Variants in TSPEAR observed in about 807,000 individuals in gnomAD.
TSPEAR encodes the protein thrombospondin type laminin G domain and EAR repeats.
A neutral mutation model predicts 71.6 loss-of-function variants in TSPEAR; 69 were observed. The observed-to-expected ratio is 0.96, with a 90% CI of 0.79 to 1.18. The LOEUF (loss-of-function observed/expected upper bound fraction) is 1.18, where lower values mean the gene tolerates loss of function less well. TSPEAR is among the 50% of genes most tolerant of loss of function. TSPEAR has a pLI of 0.00. For synonymous variants in TSPEAR, 402 were observed against 387.2 expected, an observed-to-expected ratio of 1.04 and a Z score of -0.45; for missense variants, 971 against 894.9, an observed-to-expected ratio of 1.09 and a Z score of -1.09.
chr21:44,625,070 G>A (rs977179397), intron 1 of TSPEAR, among the ~76,000 whole-genome samples: 2 of 152,136 alleles, frequency 1.3e-5, no homozygotes, highest in Admixed American at 6.5e-5. Flanking sequence ...TAATGGAATC[G>A]TTTTCAGAGG....
At position 44,506,415 on chromosome 21, in the gene TSPEAR, T is replaced by C. The variant is rs1167729082; in HGVS notation, c.1755-1534A>G. ...TCAGCAGCCTCAGGGCTGTGGCCAG[T>C]TCAGGCAGCAGAGGGGCCTCATCCC... On this transcript the variant is annotated intron_variant, in intron 10 of 11. Coordinates refer to ENST00000323084, the MANE Select transcript of TSPEAR (RefSeq NM_144991.3). This position sits in a 1 kb window ranked among gnomAD's most constrained non-coding sequence, Gnocchi z 4.2. 6.6e-6 allele frequency among the ~76,000 whole-genome samples: 1 copy of C among 152,208 alleles called. No homozygotes were observed. Among genetic ancestry groups the C allele is most frequent in the Non-Finnish European group, 1.5e-5 (1 of 68,022 alleles).
Position 44,508,684 on chromosome 21 carries a change from A to G in TSPEAR, c.1754+515T>C, listed in dbSNP as rs587693863. The G allele has an allele frequency of 1.1e-5, 13 of 1,214,210 alleles. No homozygotes were observed. In the African/African-American group the frequency reaches 2.0e-4, roughly 19 times the overall value. The allele number at this position is 1,214,210 out of a possible 1,614,324, so 75.2% of individuals were successfully genotyped here. ...AACCATCACTTTCTCGTACATACAG[A>G]CCCACCCTCCATGTTCCCTGGATCT... On this transcript the variant is annotated intron_variant, in intron 10 of 11. Coordinates refer to ENST00000323084, the MANE Select transcript of TSPEAR (RefSeq NM_144991.3).
chr21:44,697,676 C>G, intron 1 of TSPEAR: 2 of 1,613,206 alleles, frequency 1.2e-6, no homozygotes, highest in South Asian at 2.2e-5. Flanking sequence ...CTGCTGCAAG[C>G]CCATCTGCTG....
At chr21:44,681,652 G>A (rs1986595476) in intron 1 of TSPEAR, 3 of 790,642 alleles carry the variant, frequency 3.8e-6, no homozygotes, top group East Asian at 2.7e-5. Context: ...TCCCTGGGGG[G>A]ATAGGCAAGT....
At chr21:44,501,645 G>A (rs1472856909) in intron 11 of TSPEAR, among the ~76,000 whole-genome samples, 3 of 152,112 alleles carry the variant, frequency 2.0e-5, no homozygotes, top group African/African-American at 7.2e-5. Context: ...CATGCCTGTG[G>A]TCCCAGCGAC....
chr21:44,517,792 C>T (rs587747677), intron 9 of TSPEAR: 119 of 471,224 alleles, frequency 2.5e-4, no homozygotes, highest in South Asian at 1.5e-3. Context: ...CCAGGGCTGC[C>T]GATGGGAAAT....
intron 2 of TSPEAR, chr21:44,551,316 G>A: frequency 1.2e-6 from 2 of 1,613,330 alleles, no homozygotes; most frequent in African/African-American, 2.7e-5. Flanking sequence ...GCTCACTGGG[G>A]TGCAGACCAG....
At chr21:44,577,655 G>A (rs897310203) in intron 1 of TSPEAR, among the ~76,000 whole-genome samples, 31 of 152,164 alleles carry the variant, frequency 2.0e-4, no homozygotes, top group African/African-American at 6.8e-4. Context: ...CCTCCAACAC[G>A]GGATCATGGT....
At chr21:44,531,386 G>A (rs782185788) in intron 3 of TSPEAR, among the ~76,000 whole-genome samples, 18 of 152,200 alleles carry the variant, frequency 1.2e-4, no homozygotes, top group African/African-American at 3.6e-4. Flanking sequence ...GTGGCTGCAC[G>A]TGCTCCCCGT....
chr21:44,576,945 A>G (rs1371029511), intron 1 of TSPEAR, among the ~76,000 whole-genome samples: 1 of 152,240 alleles, frequency 6.6e-6, no homozygotes, highest in African/African-American at 2.4e-5. Context: ...AGGGCTGAGC[A>G]TGCTGCTTGG....
In TSPEAR at chr21:44,533,872, G is replaced by A. The variant is rs143941725; in HGVS notation, c.355C>T (p.Leu119Phe). The A allele has an allele frequency of 2.7e-4, 431 of 1,612,216 alleles. No individual in the cohort carries two copies. Among genetic ancestry groups the A allele is most frequent in the Middle Eastern group, 1.5e-3 (9 of 6,080 alleles). ...TGGGCAGGTGACAACCGCAGGCCGA[G>A]CAGCAGCAGGTCGCTCTCCTCTGCC... ...VVAEESDLLLLGLRLSPAQLH... is the reference protein window; with the variant it reads ...VVAEESDLLLFGLRLSPAQLH... Residue 119 changes from leucine to phenylalanine, a missense_variant, in exon 3 of 12, where the codon CTC becomes TTC. Physicochemically the swap from Leu to Phe is conservative, Grantham distance 22. Transcript: ENST00000323084.
rs782321771 is a variant in TSPEAR at position 44,612,234 on chromosome 21, A to G, written c.83-44229T>C. 6.2e-7 allele frequency: 1 copy of G among 1,613,740 alleles called. No individual in the cohort carries two copies. Among genetic ancestry groups the G allele is most frequent in the Admixed American group, 1.7e-5 (1 of 60,020 alleles). Reference sequence around the variant, plus strand: ...ACTGGCTCCTCCTGGCAGGTGGACAATTGCCAGGAAAGCTGCTGCGAGCCC... The same window carrying G: ...ACTGGCTCCTCCTGGCAGGTGGACAGTTGCCAGGAAAGCTGCTGCGAGCCC... On this transcript the variant is annotated intron_variant, in intron 1 of 11. Transcript: ENST00000323084. The surrounding 1 kb of genome is among the most constrained non-coding windows in gnomAD (Gnocchi z 4.1).
rs370167540 is a variant in TSPEAR at position 44,521,870 on chromosome 21, C to A, written c.1566+13G>T. Reference sequence around the variant, plus strand: ...CAGCAATGGAGAGCCGGGGCTCATGCGGGGGGCCTTACCGGGAAGGACTGG... The same window carrying A: ...CAGCAATGGAGAGCCGGGGCTCATGAGGGGGGCCTTACCGGGAAGGACTGG... On this transcript the variant is annotated intron_variant, in intron 9 of 11. Transcript: ENST00000323084. 3 of 1,610,422 alleles carry A rather than the reference C, an allele frequency of 1.9e-6. No individual in the cohort carries two copies. Among genetic ancestry groups the A allele is most frequent in the African/African-American group, 1.3e-5 (1 of 74,826 alleles).
chr21:44,526,180 G>A (rs370029152), intron 7 of TSPEAR, among the ~76,000 whole-genome samples: 4 of 152,180 alleles, frequency 2.6e-5, no homozygotes, highest in African/African-American at 4.8e-5. Context: ...CCAGAAAAAC[G>A]CATCACAACC....
intron 1 of TSPEAR, among the ~76,000 whole-genome samples, chr21:44,670,719 G>T (rs782753734): frequency 2.6e-5 from 4 of 152,120 alleles, no homozygotes; most frequent in Admixed American, 2.0e-4. Flanking sequence ...GCCCACACTG[G>T]GTCTCACACA....
chr21:44,526,314 G>A (rs1385989908), intron 7 of TSPEAR, among the ~76,000 whole-genome samples: 1 of 152,198 alleles, frequency 6.6e-6, no homozygotes, highest in African/African-American at 2.4e-5. Context: ...ACAGAATGAG[G>A]GGCAAGGTGC....
At chr21:44,603,442 C>A (rs395781) in intron 1 of TSPEAR, among the ~76,000 whole-genome samples, 119,321 of 152,050 alleles carry the variant, frequency 0.78, 50,026 homozygotes, top group Non-Finnish European at 0.94. Flanking sequence ...GATGGAGGGG[C>A]CTTGCTCAGA....
At chr21:44,527,183 C>T in intron 7 of TSPEAR, 109 bp downstream of exon 7, 1 of 1,018,830 alleles carries the variant, frequency 9.8e-7, no homozygotes, top group Non-Finnish European at 1.5e-6. Flanking sequence ...AACGAGGTGA[C>T]ACCGTGAGAA....
intron 8 of TSPEAR, among the ~76,000 whole-genome samples, chr21:44,523,090 C>T (rs1309887692): frequency 4.3e-5 from 6 of 139,048 alleles, no homozygotes; most frequent in Non-Finnish European, 7.4e-5. Flanking sequence ...AGTCAGTCAG[C>T]CAGCCAGCCA....
Sources: allele counts gnomAD v4.1 joint callset (sites outside exome capture counted in the v4.1 genomes callset), GRCh38; gene constraint gnomAD v4.1.1; non-coding constraint Gnocchi (gnomAD v3.1); transcripts MANE v1.5; gene names NCBI Gene and HGNC (gene_info 2026-07-23, HGNC 2026-07-21).